Variants in HYDIN observed in about 807,000 individuals in gnomAD.
The protein encoded by HYDIN is axonemal central pair apparatus protein HYDIN.
HYDIN carries 132 observed loss-of-function variants against 403.9 expected under a neutral mutation model. The ratio of observed to expected loss-of-function variants is 0.33; its 90% CI spans 0.28 to 0.38. HYDIN has a LOEUF of 0.38. HYDIN is among the 10% of genes least tolerant of loss of function. HYDIN has a pLI of 1.00. For missense variants in HYDIN, 2,827 were observed against 5,009.5 expected (o/e 0.56, Z 13.15); for synonymous variants, 1,202 against 1,891.7 (o/e 0.64, Z 9.46).
At chr16:70,873,152 ATAT>A (rs1194015421) in intron 64 of HYDIN, among the ~76,000 whole-genome samples, 2 of 34,000 alleles carry the variant, frequency 5.9e-5, no homozygotes, top group Non-Finnish European at 1.2e-4. Context: ...TGGTGAGAAA[ATAT>A]TATAAAGGAT....
chr16:70,832,658 A>G (rs969574304), intron 80 of HYDIN, among the ~76,000 whole-genome samples, 190 bp downstream of exon 80: 8 of 152,254 alleles, frequency 5.3e-5, no homozygotes, highest in Admixed American at 3.3e-4. Context: ...AATGTTTCAG[A>G]TGAGAGCTGA....
intron 5 of HYDIN, among the ~76,000 whole-genome samples, chr16:71,164,742 C>A (rs1035155146): frequency 9.2e-6 from 1 of 108,620 alleles, no homozygotes; most frequent in African/African-American, 3.8e-5. Context: ...TCACTGCCTG[C>A]TACTGTGCAT....
chr16:70,954,565 T>G (rs1298474293), intron 40 of HYDIN, among the ~76,000 whole-genome samples: 1 of 151,956 alleles, frequency 6.6e-6, no homozygotes, highest in Non-Finnish European at 1.5e-5. Flanking sequence ...GTTCCCTATC[T>G]AGGTACATGA....
At chr16:70,910,599 A>G (rs1311925289) in intron 47 of HYDIN, among the ~76,000 whole-genome samples, 2 of 145,952 alleles carry the variant, frequency 1.4e-5, no homozygotes, top group African/African-American at 5.0e-5. Flanking sequence ...GTAGATATGC[A>G]GTATCTAGAT....
chr16:70,854,284 G>A (rs900901909), intron 73 of HYDIN, among the ~76,000 whole-genome samples: 11 of 148,820 alleles, frequency 7.4e-5, no homozygotes, highest in African/African-American at 2.7e-4. Flanking sequence ...GTCCAAGCTG[G>A]AGTGCAGTGG....
intron 12 of HYDIN, chr16:71,081,112 C>T (rs2082772945): frequency 6.6e-6 from 1 of 151,950 alleles, no homozygotes; most frequent in South Asian, 2.1e-4. Context: ...TTTGAAGCTA[C>T]TAAATTTGTG....
chr16:71,132,650 T>A (rs1247497137), intron 8 of HYDIN: 2 of 137,386 alleles, frequency 1.5e-5, no homozygotes, highest in East Asian at 4.4e-4. Context: ...CTGAGGAGTA[T>A]GAGAAATGCA....
intron 5 of HYDIN, among the ~76,000 whole-genome samples, chr16:71,164,890 G>A (rs987714606): frequency 6.6e-5 from 10 of 151,646 alleles, no homozygotes; most frequent in African/African-American, 2.4e-4. Context: ...CTCTCCAGCG[G>A]TCTGGCTTTA....
At chr16:71,168,703 C>T (rs1212365689) in intron 5 of HYDIN, among the ~76,000 whole-genome samples, 1 of 152,146 alleles carries the variant, frequency 6.6e-6, no homozygotes, top group African/African-American at 2.4e-5. Context: ...CACAGCCAAG[C>T]TGCAGGGCAG....
chr16:70,985,135 G>C, intron 28 of HYDIN, 50 bp downstream of exon 28: 6 of 1,571,266 alleles, frequency 3.8e-6, no homozygotes, highest in Non-Finnish European at 5.2e-6. Context: ...CACCTGCTTC[G>C]GAGTGGGGCT....
chr16:70,851,362 C>T (rs2038642124), intron 73 of HYDIN, among the ~76,000 whole-genome samples: 1 of 151,782 alleles, frequency 6.6e-6, no homozygotes, highest in African/African-American at 2.4e-5. Flanking sequence ...CTCTAAAGAA[C>T]TTAAACAATT....
chr16:70,888,693 T>C (rs1231395402), intron 58 of HYDIN, among the ~76,000 whole-genome samples: 8 of 152,044 alleles, frequency 5.3e-5, no homozygotes, highest in Non-Finnish European at 1.2e-4. Flanking sequence ...TTACCACCCA[T>C]GGGAATGAAA....
chr16:71,170,653 TTC>T, intron 5 of HYDIN, among the ~76,000 whole-genome samples: 1 of 152,272 alleles, frequency 6.6e-6, no homozygotes, highest in African/African-American at 2.4e-5. Context: ...AAAAACCAAC[TTC>T]TTAAAGTTGG....
chr16:71,223,202 A>T (rs1845593269), intron 1 of HYDIN, among the ~76,000 whole-genome samples: 1 of 152,188 alleles, frequency 6.6e-6, no homozygotes, highest in Non-Finnish European at 1.5e-5. Flanking sequence ...TTGACAAAGC[A>T]TATAAAGACA....
intron 9 of HYDIN, among the ~76,000 whole-genome samples, chr16:71,118,100 T>C (rs895906854): frequency 6.6e-6 from 1 of 152,164 alleles, no homozygotes; most frequent in African/African-American, 2.4e-5. Context: ...TGTATTTATA[T>C]AGACACAGCA....
chr16:71,031,124 C>T (rs371781257), intron 19 of HYDIN, among the ~76,000 whole-genome samples: 2,169 of 143,442 alleles, frequency 0.015, 14 homozygotes, highest in Non-Finnish European at 0.022. Context: ...GGCGTGAACC[C>T]GGGAGGCGGA....
At chr16:70,964,422 C>T (rs2078510071) in intron 37 of HYDIN, among the ~76,000 whole-genome samples, 1 of 151,580 alleles carries the variant, frequency 6.6e-6, no homozygotes, top group Non-Finnish European at 1.5e-5. Context: ...GCTTCAGTTT[C>T]TCATCTGTAC....
chr16:70,834,583 C>T (rs2037242795), intron 78 of HYDIN, among the ~76,000 whole-genome samples: 1 of 152,108 alleles, frequency 6.6e-6, no homozygotes, highest in African/African-American at 2.4e-5. Context: ...TGCCGTGGCT[C>T]ACGCCTGTAA....
At chr16:70,847,670 C>T (rs1028499190) in intron 75 of HYDIN, among the ~76,000 whole-genome samples, 7 of 151,602 alleles carry the variant, frequency 4.6e-5, no homozygotes, top group Non-Finnish European at 7.4e-5. Context: ...TTCAGGCCTC[C>T]GAAGTTTCTA....
Sources: allele counts gnomAD v4.1 joint callset (sites outside exome capture counted in the v4.1 genomes callset), GRCh38; gene constraint gnomAD v4.1.1; transcripts MANE v1.5; gene names NCBI Gene and HGNC (gene_info 2026-07-23, HGNC 2026-07-21).